Variants in TEX2 observed in about 807,000 individuals in gnomAD.
TEX2 encodes the protein testis-expressed protein 2.
In TEX2, 53 loss-of-function variants were observed where a neutral mutation model predicts 106.9. The observed-to-expected ratio is 0.50, with a 90% CI of 0.40 to 0.62. The LOEUF is 0.62. TEX2 is among the 20% of genes least tolerant of loss of function. The pLI, the probability that TEX2 is intolerant of heterozygous loss-of-function variation, is 0.00. For synonymous variants in TEX2, 523 were observed against 534.8 expected, an observed-to-expected ratio of 0.98 and a Z score of 0.30; for missense variants, 1,207 against 1,379.0, an observed-to-expected ratio of 0.88 and a Z score of 1.98.
chr17:64,262,324 T>C (rs1417742420), intron 1 of TEX2, among the ~76,000 whole-genome samples: 1 of 152,222 alleles, frequency 6.6e-6, no homozygotes, highest in Non-Finnish European at 1.5e-5. Context: ...CCCTTACATT[T>C]GACGCCCAGT....
intron 4 of TEX2, 138 bp downstream of exon 4, chr17:64,193,421 A>G: frequency 1.6e-6 from 1 of 637,202 alleles, no homozygotes; most frequent in Non-Finnish European, 2.5e-6. Context: ...ATGAGTCATG[A>G]GAATGCACAT....
intron 7 of TEX2, among the ~76,000 whole-genome samples, chr17:64,161,778 G>A (rs866801450): frequency 6.6e-6 from 1 of 151,860 alleles, no homozygotes. Flanking sequence ...TTTCAGACTC[G>A]GGGCTCCAGA....
intron 2 of TEX2, 22 bp downstream of exon 2, chr17:64,212,552 C>T: frequency 6.3e-7 from 1 of 1,595,904 alleles, no homozygotes; most frequent in Non-Finnish European, 8.6e-7. Context: ...GTGTACTAGC[C>T]AGCTCCCGGG....
rs138956757 is a variant in TEX2 at position 64,179,625 on chromosome 17, C to T, written c.2425-2154G>A. On this transcript the variant is annotated intron_variant, in intron 5 of 11. Transcript: ENST00000584379. ...CAGGAACCAACTCCACATACATTGC[C>T]ACAGCCTGTGCCCTCTCTTGCTGGG... is the stretch of plus-strand genomic sequence containing the variant. Among the ~76,000 whole-genome samples, 91 of 152,308 alleles carry T rather than the reference C, an allele frequency of 6.0e-4. 2 individuals are homozygous for T. The East Asian group carries it at 0.016, about 26-fold the overall frequency.
chr17:64,258,283 T>C (rs1228679686), intron 1 of TEX2, among the ~76,000 whole-genome samples: 6 of 152,172 alleles, frequency 3.9e-5, no homozygotes, highest in South Asian at 2.1e-4. Context: ...AACTTTATTA[T>C]AGGTATACAT....
At chr17:64,194,707 G>A (rs1003581733) in intron 3 of TEX2, among the ~76,000 whole-genome samples, 188 bp downstream of exon 3, 2 of 152,144 alleles carry the variant, frequency 1.3e-5, no homozygotes, top group Non-Finnish European at 2.9e-5. Flanking sequence ...TACTGAATCA[G>A]AATCTGCATT....
intron 4 of TEX2, among the ~76,000 whole-genome samples, chr17:64,191,687 G>A (rs910884268): frequency 6.6e-6 from 1 of 151,552 alleles, no homozygotes; most frequent in Admixed American, 6.6e-5. Flanking sequence ...GCGTGATGGC[G>A]GGTGCCTGTA....
intron 1 of TEX2, among the ~76,000 whole-genome samples, chr17:64,232,494 T>C (rs1245741834): frequency 6.6e-6 from 1 of 152,196 alleles, no homozygotes; most frequent in Non-Finnish European, 1.5e-5. Flanking sequence ...ATTATAAAAA[T>C]CAAGTCACTG....
rs1291514083 is a variant in TEX2 at position 64,219,525 on chromosome 17, A to C, written c.-25-5283T>G. Among the ~76,000 whole-genome samples the C allele has an allele frequency of 3.0e-3, 441 of 148,150 alleles. 2 individuals are homozygous for C. Among genetic ancestry groups the C allele is most frequent in the African/African-American group, 0.011 (422 of 38,996 alleles). ...CATCTCATCAAATAAAATAAAATAA[A>C]ATAAAATAAAATAAAATAAAATAAA... On this transcript the variant is annotated intron_variant, in intron 1 of 11. Transcript: ENST00000584379.
intron 1 of TEX2, among the ~76,000 whole-genome samples, chr17:64,240,495 T>C (rs965414310): frequency 1.3e-5 from 2 of 152,000 alleles, no homozygotes; most frequent in African/African-American, 4.8e-5. Flanking sequence ...CCTGGTGCAG[T>C]AGAAAGAGTA....
Position 64,195,171 on chromosome 17 carries a change from G to A in TEX2, c.1645-76C>T. ...TTTAGTGTGAAATGATGAACACTGTGGTATTTGGGACACTGAAACCAAACT... is the reference window on the plus strand; with the variant it reads ...TTTAGTGTGAAATGATGAACACTGTAGTATTTGGGACACTGAAACCAAACT... On this transcript the variant is annotated intron_variant, in intron 2 of 11. Coordinates refer to ENST00000584379, the MANE Select transcript of TEX2 (RefSeq NM_001288732.2). This position sits in a 1 kb window ranked among gnomAD's most constrained non-coding sequence, Gnocchi z 4.1. 1 of 1,397,484 alleles carries A rather than the reference G, an allele frequency of 7.2e-7. No individual in the cohort carries two copies. The highest frequency in any genetic ancestry group is 1.0e-6 in the Non-Finnish European group (1 of 999,646). 86.6% of individuals were successfully genotyped at this position (1,397,484 alleles called of 1,614,324 possible). A position where few individuals can be genotyped will look rare whatever the true frequency, so the allele number is the denominator to read the frequency against.
intron 1 of TEX2, among the ~76,000 whole-genome samples, chr17:64,254,209 A>G (rs1188409137): frequency 6.6e-6 from 1 of 152,196 alleles, no homozygotes; most frequent in Non-Finnish European, 1.5e-5. Context: ...GCATCAAATC[A>G]AAACTCCCCA....
At chr17:64,246,525 G>C (rs989995407) in intron 1 of TEX2, among the ~76,000 whole-genome samples, 1 of 152,144 alleles carries the variant, frequency 6.6e-6, no homozygotes, top group Non-Finnish European at 1.5e-5. Context: ...GATTACAGGC[G>C]TGACCCACCA....
intron 5 of TEX2, among the ~76,000 whole-genome samples, chr17:64,181,794 G>A (rs2031876826): frequency 6.7e-6 from 1 of 150,328 alleles, no homozygotes; most frequent in Non-Finnish European, 1.5e-5. Flanking sequence ...GAGATTACAG[G>A]TGTGAGCCAC....
chr17:64,188,303 C>G lies in TEX2; in HGVS notation c.2289G>C (p.Glu763Asp). The G allele has an allele frequency of 6.2e-7, 1 of 1,614,196 alleles. No homozygotes were observed. Among genetic ancestry groups the G allele is most frequent in the South Asian group, 1.1e-5 (1 of 91,088 alleles). ...EEIMSQPKQK[E>D]LAGSVRQKML... ...TCTTCTGCCGCACGCTGCCTGCCAG[C>G]TCCTTCTGCTTTGGCTGTGACATGA... Residue 763 changes from glutamate to aspartate, a missense_variant, in exon 5 of 12, where the codon GAG becomes GAC. Coordinates refer to ENST00000584379, the MANE Select transcript of TEX2 (RefSeq NM_001288732.2).
Position 64,236,901 on chromosome 17 carries a change from A to C in TEX2, c.-25-22659T>G, listed in dbSNP as rs143991018. ...TTGACAGTTGGACACGTGGAATTTG[A>C]GCTCTGAGAGTGAAGGCAATGATTG... On this transcript the variant is annotated intron_variant, in intron 1 of 11. Coordinates refer to ENST00000584379, the MANE Select transcript of TEX2 (RefSeq NM_001288732.2). 7.2e-5 allele frequency among the ~76,000 whole-genome samples: 11 copies of C among 152,316 alleles called. No homozygotes were observed. The East Asian group carries it at 2.1e-3, about 29-fold the overall frequency.
At chr17:64,178,005 G>A (rs1202286094) in intron 5 of TEX2, among the ~76,000 whole-genome samples, 1 of 152,178 alleles carries the variant, frequency 6.6e-6, no homozygotes, top group Non-Finnish European at 1.5e-5. Flanking sequence ...ATTTCAGTGG[G>A]CATCAGGAGT....
chr17:64,252,179 T>TGGAACATGGTTTCTC (rs1299965293), intron 1 of TEX2, among the ~76,000 whole-genome samples: 1 of 152,220 alleles, frequency 6.6e-6, no homozygotes, highest in African/African-American at 2.4e-5. Context: ...GACAAGGGCA[T>TGGAACATGGTTTCTC]GGAACATGGT....
At chr17:64,226,184 T>C (rs16947581) in intron 1 of TEX2, among the ~76,000 whole-genome samples, 2,444 of 152,292 alleles carry the variant, frequency 0.016, 52 homozygotes, top group South Asian at 0.1. Context: ...TGTTTGGCTT[T>C]GGGGATATCA....
Sources: gnomAD v4.1 joint callset for allele counts (sites outside exome capture counted in the v4.1 genomes callset) on GRCh38, gnomAD v4.1.1 for gene constraint, Gnocchi (gnomAD v3.1) non-coding constraint, MANE v1.5 for transcripts, NCBI Gene and HGNC (gene_info 2026-07-23, HGNC 2026-07-21) for gene names.